Variants in TMPRSS15 observed in about 807,000 individuals in gnomAD.
The protein encoded by TMPRSS15 is enteropeptidase.
TMPRSS15 carries 128 observed loss-of-function variants against 125.3 expected under a neutral mutation model. The ratio of observed to expected loss-of-function variants is 1.02; its 90% CI spans 0.89 to 1.18. The LOEUF (loss-of-function observed/expected upper bound fraction) is 1.18, where lower values mean the gene tolerates loss of function less well. Ranked by LOEUF, TMPRSS15 falls within the 50% of genes most tolerant of loss-of-function variation. The probability of loss-of-function intolerance (pLI) is 0.00; values close to 1 mark genes in which losing one functional copy is unlikely to be tolerated. For missense variants in TMPRSS15, 1,283 were observed against 1,212.7 expected (o/e 1.06, Z -0.86); for synonymous variants, 446 against 423.2 (o/e 1.05, Z -0.66).
intron 1 of TMPRSS15, among the ~76,000 whole-genome samples, chr21:18,472,455 TTATA>T (rs34604020): frequency 0.078 from 11,158 of 142,990 alleles, 521 homozygotes; most frequent in Admixed American, 0.12. Context: ...GCTAAAAGAA[TTATA>T]TATATATATA....
intron 1 of TMPRSS15, among the ~76,000 whole-genome samples, chr21:18,452,848 G>A (rs1978367707): frequency 6.6e-6 from 1 of 152,248 alleles, no homozygotes; most frequent in East Asian, 1.9e-4. Flanking sequence ...GAGTTTGGAC[G>A]AAGGTAAATA....
intron 1 of TMPRSS15, among the ~76,000 whole-genome samples, chr21:18,455,311 T>C (rs925019673): frequency 3.9e-5 from 6 of 152,302 alleles, no homozygotes; most frequent in Non-Finnish European, 7.4e-5. Context: ...ATAGCTTTTC[T>C]TAGGGGCATA....
intron 1 of TMPRSS15, among the ~76,000 whole-genome samples, chr21:18,453,485 C>G (rs1242794285): frequency 2.6e-5 from 4 of 152,156 alleles, no homozygotes; most frequent in African/African-American, 9.7e-5. Flanking sequence ...CTGGCAAATA[C>G]AAAATCTGCA....
At chr21:18,383,545 T>A (rs1007503275) in intron 4 of TMPRSS15, 82 bp downstream of exon 4, 13 of 1,505,026 alleles carry the variant, frequency 8.6e-6, no homozygotes, top group Middle Eastern at 2.1e-4. Flanking sequence ...CAAGCATGAT[T>A]CCACTTCCTC....
In TMPRSS15 at chr21:18,277,218, G is replaced by T. The variant is rs1009286041; in HGVS notation, c.2764+1746C>A. Among the ~76,000 whole-genome samples, 3 of 151,914 alleles carry T rather than the reference G, an allele frequency of 2.0e-5. No individual in the cohort carries two copies. The East Asian group carries it at 5.8e-4, about 29-fold the overall frequency. On this transcript the variant is annotated intron_variant, in intron 23 of 24. Transcript: ENST00000284885. ...GATCTCAGATACAGTTTATTTCCTG[G>T]CTCCATACCACTCTTAGAGACTTTC...
intron 18 of TMPRSS15, among the ~76,000 whole-genome samples, chr21:18,311,981 C>A (rs2075105408): frequency 6.6e-6 from 1 of 152,040 alleles, no homozygotes; most frequent in Non-Finnish European, 1.5e-5. Flanking sequence ...CAAGGATTAG[C>A]CTAGAGTTTA....
At chr21:18,399,796 A>T (rs763379181) in intron 1 of TMPRSS15, among the ~76,000 whole-genome samples, 2 of 152,090 alleles carry the variant, frequency 1.3e-5, no homozygotes, top group Non-Finnish European at 2.9e-5. Flanking sequence ...AAAAAAGTAT[A>T]AAAAATGTTA....
At chr21:18,325,152 CA>C (rs1423483847) in intron 16 of TMPRSS15, among the ~76,000 whole-genome samples, 1 of 152,038 alleles carries the variant, frequency 6.6e-6, no homozygotes, top group African/African-American at 2.4e-5. Flanking sequence ...CTTTACCTAA[CA>C]AAATCATGTC....
chr21:18,294,767 A>G (rs2074881990), intron 19 of TMPRSS15, 115 bp from the exon 20 acceptor site: 2 of 897,616 alleles, frequency 2.2e-6, no homozygotes, highest in Non-Finnish European at 3.6e-6. Flanking sequence ...AATGTCTCAT[A>G]TATGAAATGT....
chr21:18,318,460 C>T (rs558569036), intron 16 of TMPRSS15, among the ~76,000 whole-genome samples: 1 of 151,980 alleles, frequency 6.6e-6, no homozygotes, highest in African/African-American at 2.4e-5. Flanking sequence ...AACATTGGAA[C>T]GATGGGAAGA....
chr21:18,281,067 G>A lies in TMPRSS15; in HGVS notation c.2641C>T (p.His881Tyr), dbSNP rs912916716. 2 of 1,613,564 alleles carry A rather than the reference G, an allele frequency of 1.2e-6. No homozygotes were observed. Among genetic ancestry groups the A allele is most frequent in the Non-Finnish European group, 1.7e-6 (2 of 1,179,948 alleles). Reference sequence around the variant, plus strand: ...GTGTAATTCACTTTAAATTCCAGATGCATCATGGCAATGTCGTTGTCCTTT... The same window carrying A: ...GTGTAATTCACTTTAAATTCCAGATACATCATGGCAATGTCGTTGTCCTTT... ...RRKDNDIAMM[H>Y]LEFKVNYTDY... Residue 881 changes from histidine to tyrosine, a missense_variant, in exon 22 of 25, where the codon CAT (histidine) becomes TAT (tyrosine). By Grantham distance (83) the His-to-Tyr change is moderately conservative. Coordinates refer to ENST00000284885, the MANE Select transcript of TMPRSS15 (RefSeq NM_002772.3).
chr21:18,396,774 A>C (rs1222247120), intron 3 of TMPRSS15, among the ~76,000 whole-genome samples: 1 of 60,618 alleles, frequency 1.6e-5, no homozygotes, highest in Non-Finnish European at 3.2e-5. Flanking sequence ...ACTCTGTCTC[A>C]AAAAAAAAAA....
chr21:18,294,360 A>T lies in TMPRSS15; in HGVS notation c.2396T>A (p.Val799Asp), dbSNP rs764937713. Residue 799 changes from valine (V) to aspartate (D), a missense_variant, in exon 21 of 25, where the codon GTT becomes GAT. By Grantham distance (152) the Val-to-Asp change is radical. Coordinates refer to ENST00000284885, the MANE Select transcript of TMPRSS15 (RefSeq NM_002772.3). ...TCGGCCGCCATAATACAGACCCACA[A>T]CCCAGGGCCAGGCCCCTTCTTTGGC... Reference protein sequence around the residue: ...SNAKEGAWPWVVGLYYGGRLL... With the variant: ...SNAKEGAWPWDVGLYYGGRLL... The T allele has an allele frequency of 3.7e-6, 6 of 1,614,114 alleles. No homozygotes were observed. The East Asian group carries it at 1.1e-4, about 30-fold the overall frequency.
chr21:18,450,185 A>C (rs998553758), intron 1 of TMPRSS15, among the ~76,000 whole-genome samples: 16 of 152,318 alleles, frequency 1.1e-4, no homozygotes, highest in African/African-American at 3.8e-4. Context: ...AGGTTAGTAA[A>C]AATAATCTTA....
chr21:18,428,387 A>G (rs558360100), intron 1 of TMPRSS15, among the ~76,000 whole-genome samples: 2 of 152,316 alleles, frequency 1.3e-5, no homozygotes, highest in South Asian at 2.1e-4. Context: ...AGAAATTTGC[A>G]TAAGTAACAA....
intron 1 of TMPRSS15, among the ~76,000 whole-genome samples, chr21:18,460,052 G>T (rs1349769687): frequency 6.6e-6 from 1 of 151,960 alleles, no homozygotes; most frequent in African/African-American, 2.4e-5. Context: ...CATTATGTAG[G>T]TAGTTTCTTG....
intron 1 of TMPRSS15, among the ~76,000 whole-genome samples, chr21:18,432,038 T>G (rs2076217242): frequency 6.6e-6 from 1 of 152,198 alleles, no homozygotes; most frequent in Non-Finnish European, 1.5e-5. Flanking sequence ...ATCTTCATCT[T>G]CAGATCCTTG....
intron 10 of TMPRSS15, among the ~76,000 whole-genome samples, chr21:18,352,398 T>C (rs1258187495): frequency 6.6e-6 from 1 of 152,100 alleles, no homozygotes; most frequent in Admixed American, 6.6e-5. Context: ...TGTTTCAAGA[T>C]TATGCAATCT....
intron 6 of TMPRSS15, among the ~76,000 whole-genome samples, chr21:18,366,412 T>C (rs2075738657): frequency 6.6e-6 from 1 of 152,206 alleles, no homozygotes; most frequent in African/African-American, 2.4e-5. Context: ...CTTTCCATAA[T>C]TACTCATTTT....
Sources: gnomAD v4.1 joint callset for allele counts (sites outside exome capture counted in the v4.1 genomes callset) on GRCh38, gnomAD v4.1.1 for gene constraint, MANE v1.5 for transcripts, NCBI Gene and HGNC (gene_info 2026-07-23, HGNC 2026-07-21) for gene names.